Variants in ZNF385D observed in about 807,000 individuals in gnomAD.
The protein encoded by ZNF385D is zinc finger protein 385D.
ZNF385D carries 15 observed loss-of-function variants against 35.8 expected under a neutral mutation model. The observed-to-expected ratio is 0.42, with a 90% CI of 0.28 to 0.64. The LOEUF is 0.64. Ranked by LOEUF, ZNF385D falls within the 30% of genes least tolerant of loss-of-function variation. The probability of loss-of-function intolerance (pLI) is 0.23; values close to 1 mark genes in which losing one functional copy is unlikely to be tolerated. For missense variants in ZNF385D, 474 were observed against 494.6 expected, an observed-to-expected ratio of 0.96 and a Z score of 0.39; for synonymous variants, 212 against 186.8, an observed-to-expected ratio of 1.13 and a Z score of -1.10.
intron 3 of ZNF385D, among the ~76,000 whole-genome samples, chr3:22,095,417 T>C (rs1450717454): frequency 6.6e-6 from 1 of 152,032 alleles, no homozygotes; most frequent in Non-Finnish European, 1.5e-5. Flanking sequence ...CTAACTTTCC[T>C]CTGAGAATCT....
At chr3:22,346,104 C>T (rs1197994708) in intron 2 of ZNF385D, among the ~76,000 whole-genome samples, 1 of 152,172 alleles carries the variant, frequency 6.6e-6, no homozygotes, top group Admixed American at 6.5e-5. Context: ...TGAATGTCTG[C>T]TTTACTCCCT....
chr3:22,218,847 G>C (rs1698062681), intron 2 of ZNF385D, among the ~76,000 whole-genome samples: 1 of 151,910 alleles, frequency 6.6e-6, no homozygotes, highest in Non-Finnish European at 1.5e-5. Flanking sequence ...CTTAATGTAG[G>C]GTTGATCTGA....
At chr3:21,753,411 A>G (rs1450418134), upstream of ZNF385D, among the ~76,000 whole-genome samples, 1 of 152,230 alleles carries the variant, frequency 6.6e-6, no homozygotes, top group Non-Finnish European at 1.5e-5. Flanking sequence ...TATGGTCACA[A>G]ATACATCAGC....
chr3:21,894,027 A>G (rs1037373575), intron 3 of ZNF385D, among the ~76,000 whole-genome samples: 1 of 152,160 alleles, frequency 6.6e-6, no homozygotes, highest in African/African-American at 2.4e-5. Flanking sequence ...AAAATATCCA[A>G]TGATAGAATA....
intron 2 of ZNF385D, among the ~76,000 whole-genome samples, chr3:22,251,011 C>A (rs1017901423): frequency 6.6e-6 from 1 of 151,998 alleles, no homozygotes; most frequent in South Asian, 2.1e-4. Context: ...CAGGACAACA[C>A]CAATCAATCG....
chr3:22,169,989 T>C (rs1465172108), intron 2 of ZNF385D, among the ~76,000 whole-genome samples: 2 of 152,314 alleles, frequency 1.3e-5, no homozygotes, highest in Admixed American at 6.5e-5. Context: ...AGAGTAACTA[T>C]TGTAATCTAT....
chr3:22,307,628 T>G (rs901679463), intron 2 of ZNF385D, among the ~76,000 whole-genome samples: 1 of 152,036 alleles, frequency 6.6e-6, no homozygotes, highest in Non-Finnish European at 1.5e-5. Flanking sequence ...CAGCTACTCA[T>G]AGATTAGGAA....
At chr3:21,990,263 G>T (rs1695078008) in intron 3 of ZNF385D, among the ~76,000 whole-genome samples, 1 of 152,204 alleles carries the variant, frequency 6.6e-6, no homozygotes, top group Non-Finnish European at 1.5e-5. Flanking sequence ...TGGCATAAAT[G>T]TAATACTTTC....
intron 2 of ZNF385D, among the ~76,000 whole-genome samples, chr3:22,285,951 T>C (rs1463447785): frequency 6.6e-6 from 1 of 152,144 alleles, no homozygotes; most frequent in African/African-American, 2.4e-5. Flanking sequence ...TCAGGTGACC[T>C]GGTCACCTAG....
intron 3 of ZNF385D, among the ~76,000 whole-genome samples, chr3:22,087,103 C>G (rs537894796): frequency 6.6e-6 from 1 of 152,038 alleles, no homozygotes; most frequent in Non-Finnish European, 1.5e-5. Flanking sequence ...ATTTTCTGAT[C>G]GGAGCATGTT....
chr3:22,068,293 C>T (rs1234257575), intron 3 of ZNF385D, among the ~76,000 whole-genome samples: 1 of 152,016 alleles, frequency 6.6e-6, no homozygotes, highest in Non-Finnish European at 1.5e-5. Flanking sequence ...TCTCTTCAAA[C>T]GAATTGATAC....
At chr3:22,275,639 G>A (rs1251278026) in intron 2 of ZNF385D, among the ~76,000 whole-genome samples, 4 of 152,026 alleles carry the variant, frequency 2.6e-5, no homozygotes. Flanking sequence ...TGAATATTTG[G>A]CATTTGGAAA....
intron 3 of ZNF385D, among the ~76,000 whole-genome samples, chr3:21,829,861 C>A (rs1384326250): frequency 6.6e-6 from 1 of 152,048 alleles, no homozygotes; most frequent in East Asian, 2.0e-4. Flanking sequence ...ATGGGGCTTA[C>A]GCCTGTCATC....
intron 3 of ZNF385D, among the ~76,000 whole-genome samples, chr3:21,927,978 T>C (rs1700816657): frequency 6.6e-6 from 1 of 151,956 alleles, no homozygotes; most frequent in South Asian, 2.1e-4. Context: ...AATCCCAATA[T>C]TTTGGGAGGC....
At chr3:21,617,484 G>A (rs1237293668) in intron 2 of ZNF385D, among the ~76,000 whole-genome samples, 1 of 152,138 alleles carries the variant, frequency 6.6e-6, no homozygotes, top group African/African-American at 2.4e-5. Context: ...GAGTGCTCCC[G>A]TGGTCCAGAT....
intron 4 of ZNF385D, among the ~76,000 whole-genome samples, chr3:21,456,280 C>G (rs56104209): frequency 6.6e-6 from 1 of 151,938 alleles, no homozygotes; most frequent in African/African-American, 2.4e-5. Flanking sequence ...TAAAGACACA[C>G]GCACATGTAT....
At chr3:21,966,590 T>C (rs1208338159) in intron 3 of ZNF385D, among the ~76,000 whole-genome samples, 1 of 152,166 alleles carries the variant, frequency 6.6e-6, no homozygotes, top group Non-Finnish European at 1.5e-5. Context: ...TCTTGTTTGT[T>C]TGTTTGTTTG....
At chr3:21,487,879 T>C (rs1705150700) in intron 4 of ZNF385D, among the ~76,000 whole-genome samples, 1 of 152,182 alleles carries the variant, frequency 6.6e-6, no homozygotes, top group Admixed American at 6.6e-5. Context: ...TCAATTCATG[T>C]AAAACATCAG....
chr3:22,240,553 A>G (rs896626317), intron 2 of ZNF385D, among the ~76,000 whole-genome samples: 1 of 150,926 alleles, frequency 6.6e-6, no homozygotes, highest in Non-Finnish European at 1.5e-5. Context: ...TCCCCACAGC[A>G]TTACCTTGAG....
Sources: gnomAD v4.1 joint callset for allele counts (sites outside exome capture counted in the v4.1 genomes callset) on GRCh38, gnomAD v4.1.1 for gene constraint, MANE v1.5 for transcripts, NCBI Gene and HGNC (gene_info 2026-07-23, HGNC 2026-07-21) for gene names.